GALNT7: variants seen among roughly 807,000 people sequenced by gnomAD.
GALNT7 encodes N-acetylgalactosaminyltransferase 7.
GALNT7 carries 60 observed loss-of-function variants against 82.1 expected under a neutral mutation model. The ratio of observed to expected loss-of-function variants is 0.73; its 90% CI spans 0.59 to 0.91. The LOEUF (loss-of-function observed/expected upper bound fraction) is 0.91, where lower values mean the gene tolerates loss of function less well. Ranked by LOEUF, GALNT7 falls within the 40% of genes least tolerant of loss-of-function variation. The pLI is 0.00. For missense variants in GALNT7, 660 were observed against 804.2 expected, an observed-to-expected ratio of 0.82 and a Z score of 2.17; for synonymous variants, 243 against 275.1, an observed-to-expected ratio of 0.88 and a Z score of 1.15.
At chr4:173,274,307 G>A (rs191253922) in intron 2 of GALNT7, among the ~76,000 whole-genome samples, 4 of 152,272 alleles carry the variant, frequency 2.6e-5, no homozygotes, top group Admixed American at 2.6e-4. Context: ...CCATAACATA[G>A]TTAGTATCCT....
At position 173,295,835 on chromosome 4, in the gene GALNT7, TA is replaced by T; in HGVS notation, c.959del (p.Lys320ArgfsTer11). 1 of 1,577,716 alleles carries T rather than the reference TA, an allele frequency of 6.3e-7. No individual in the cohort carries two copies. The highest frequency in any genetic ancestry group is 8.7e-7 in the Non-Finnish European group (1 of 1,146,820). On this transcript the variant is annotated frameshift_variant, in exon 5 of 12. Transcript: ENST00000265000. LOFTEE classifies it high-confidence loss of function. ...ATGCACCACTTGTAGCTCCCATATC[TA>T]AGGACAGGTAACATTACCTTGCTTT... ...WYAPLVAPIS[K>X]DRTICTVPLI...
rs550549729 is a variant in GALNT7, at chr4:173,216,376, A to G, written c.127-31604A>G. Among the ~76,000 whole-genome samples, 12 of 152,260 alleles carry G rather than the reference A, an allele frequency of 7.9e-5. No homozygotes were observed. The South Asian group carries it at 1.0e-3, about 13-fold the overall frequency. On this transcript the variant is annotated intron_variant, in intron 1 of 11. Transcript: ENST00000265000. ...AGATAAGTACAATAGTGGAGGGCGT[A>G]ATGTGTTACTGGGCTTTTGACATCA...
intron 1 of GALNT7, among the ~76,000 whole-genome samples, chr4:173,181,687 A>C (rs1732255161): frequency 6.6e-6 from 1 of 152,200 alleles, no homozygotes; most frequent in South Asian, 2.1e-4. Context: ...CTACAGACAT[A>C]ATAAAGCTGA....
rs146814025 is a variant in GALNT7, at chr4:173,320,827, C to T, written c.1837-753C>T. 5.1e-4 allele frequency among the ~76,000 whole-genome samples: 78 copies of T among 152,098 alleles called. No homozygotes were observed. The East Asian group carries it at 0.015, about 29-fold the overall frequency. On this transcript the variant is annotated intron_variant, in intron 11 of 11. Transcript: ENST00000265000. The surrounding 1 kb of genome is among the most constrained non-coding windows in gnomAD (Gnocchi z 4.1). The stretch of plus-strand genomic sequence containing the variant: ...ACTGAGGGGTCAAGACTGAATAAAA[C>T]GAATGTTTTGCTCCTTCATCAGTGA...
chr4:173,185,778 A>AC (rs751655737), intron 1 of GALNT7, among the ~76,000 whole-genome samples: 42 of 152,132 alleles, frequency 2.8e-4, no homozygotes, highest in Non-Finnish European at 3.1e-4. Context: ...GTTTGTATGA[A>AC]CCGTGTGCTA....
rs929777972 is a variant in GALNT7 at position 173,320,563 on chromosome 4, G to C, written c.1837-1017G>C. Among the ~76,000 whole-genome samples the C allele has an allele frequency of 6.6e-6, 1 of 152,076 alleles. No individual in the cohort carries two copies. Among genetic ancestry groups the C allele is most frequent in the Non-Finnish European group, 1.5e-5 (1 of 68,010 alleles). On this transcript the variant is annotated intron_variant, in intron 11 of 11. Transcript: ENST00000265000. This position sits in a 1 kb window ranked among gnomAD's most constrained non-coding sequence, Gnocchi z 4.1. ...GATCTGAAATGTTGTTTTCGTTCAA[G>C]TATATGAGGGAAACCCAGCCCCACA... is the stretch of plus-strand genomic sequence containing the variant.
intron 1 of GALNT7, among the ~76,000 whole-genome samples, chr4:173,216,586 A>G (rs1733470600): frequency 6.6e-6 from 1 of 151,298 alleles, no homozygotes; most frequent in South Asian, 2.1e-4. Context: ...GTAAACATTC[A>G]GTATTTGGCT....
intron 1 of GALNT7, among the ~76,000 whole-genome samples, chr4:173,198,226 A>AT (rs35936188): frequency 0.07 from 9,769 of 138,808 alleles, 980 homozygotes; most frequent in African/African-American, 0.22. Flanking sequence ...TGCCTGGCTA[A>AT]TTTTTTTTTT....
intron 5 of GALNT7, 131 bp from the exon 6 acceptor site, chr4:173,297,984 A>T: frequency 1.7e-5 from 25 of 1,499,304 alleles, no homozygotes; most frequent in Non-Finnish European, 2.2e-5. Flanking sequence ...ATCGGTAAAG[A>T]CTATTACTTT....
At chr4:173,295,049 G>A (rs1163302395) in intron 3 of GALNT7, among the ~76,000 whole-genome samples, 2 of 152,288 alleles carry the variant, frequency 1.3e-5, no homozygotes, top group South Asian at 2.1e-4. Context: ...CATTGCTTCT[G>A]TCAACAGCAA....
At chr4:173,223,214 T>C (rs115855309) in intron 1 of GALNT7, among the ~76,000 whole-genome samples, 18 of 152,348 alleles carry the variant, frequency 1.2e-4, no homozygotes, top group Non-Finnish European at 2.5e-4. Context: ...TCACACAGTC[T>C]ATTCTGCATA....
intron 1 of GALNT7, among the ~76,000 whole-genome samples, chr4:173,177,144 A>G (rs1433153590): frequency 6.6e-6 from 1 of 152,106 alleles, no homozygotes; most frequent in Non-Finnish European, 1.5e-5. Flanking sequence ...GAGAAAACGG[A>G]TTACTTGGCC....
chr4:173,228,638 A>T (rs1420351594), intron 1 of GALNT7, among the ~76,000 whole-genome samples: 1 of 152,134 alleles, frequency 6.6e-6, no homozygotes, highest in Non-Finnish European at 1.5e-5. Flanking sequence ...GTCAGGAGGA[A>T]TGAATGCTTT....
intron 1 of GALNT7, among the ~76,000 whole-genome samples, chr4:173,217,670 A>C (rs1236960716): frequency 6.6e-6 from 1 of 152,166 alleles, no homozygotes; most frequent in Non-Finnish European, 1.5e-5. Context: ...GGGATGGTTT[A>C]TGTTTTTTGC....
At chr4:173,197,726 G>A (rs543200706) in intron 1 of GALNT7, among the ~76,000 whole-genome samples, 7 of 152,184 alleles carry the variant, frequency 4.6e-5, no homozygotes, top group Non-Finnish European at 7.3e-5. Context: ...CATCCCATAG[G>A]ATGTCCAGGC....
intron 1 of GALNT7, among the ~76,000 whole-genome samples, chr4:173,247,511 T>C (rs1734686742): frequency 1.3e-5 from 2 of 152,198 alleles, no homozygotes; most frequent in Middle Eastern, 6.8e-3. Flanking sequence ...TGAGCCAGCC[T>C]GCTGACAGTG....
intron 6 of GALNT7, among the ~76,000 whole-genome samples, chr4:173,300,513 G>A (rs1032688499): frequency 1.3e-5 from 2 of 152,070 alleles, no homozygotes; most frequent in African/African-American, 4.8e-5. Flanking sequence ...GACCAATTCT[G>A]TGGAAAAGGA....
chr4:173,177,117 A>T (rs1732072951), intron 1 of GALNT7, among the ~76,000 whole-genome samples: 1 of 152,172 alleles, frequency 6.6e-6, no homozygotes, highest in Non-Finnish European at 1.5e-5. Flanking sequence ...TAGGCTTCGG[A>T]GTCACCTAGA....
chr4:173,260,640 T>A (rs1735225548), intron 2 of GALNT7, among the ~76,000 whole-genome samples: 1 of 152,194 alleles, frequency 6.6e-6, no homozygotes, highest in Non-Finnish European at 1.5e-5. Context: ...CATCACTGAA[T>A]CAAGAGCTTT....
Sources: allele counts gnomAD v4.1 joint callset (sites outside exome capture counted in the v4.1 genomes callset), GRCh38; gene constraint gnomAD v4.1.1; non-coding constraint Gnocchi (gnomAD v3.1); transcripts MANE v1.5; gene names NCBI Gene and HGNC (gene_info 2026-07-23, HGNC 2026-07-21).